Variants in PTPRD observed in about 807,000 individuals in gnomAD.
PTPRD encodes the protein protein tyrosine phosphatase receptor type D.
A neutral mutation model predicts 214.5 loss-of-function variants in PTPRD; 34 were observed. The observed-to-expected ratio is 0.16, with a 90% CI of 0.12 to 0.21. PTPRD has a LOEUF of 0.21. Among genes scored for constraint, PTPRD ranks in the 10% least tolerant of loss-of-function variants. The pLI is 1.00. For missense variants in PTPRD, 2,545 were observed against 2,398.7 expected, an observed-to-expected ratio of 1.06 and a Z score of -1.27; for synonymous variants, 1,128 against 845.7, an observed-to-expected ratio of 1.33 and a Z score of -5.79.
At chr9:9,460,496 C>T (rs547091113) in intron 8 of PTPRD, among the ~76,000 whole-genome samples, 24 of 151,936 alleles carry the variant, frequency 1.6e-4, no homozygotes, top group African/African-American at 5.3e-4. Context: ...TAGAAAAAAA[C>T]AAATCCATTA....
Position 9,830,186 on chromosome 9 carries a change from A to G in PTPRD, c.-367-63335T>C, listed in dbSNP as rs2054340270. Among the ~76,000 whole-genome samples, 3 of 151,914 alleles carry G rather than the reference A, an allele frequency of 2.0e-5. No homozygotes were observed. The East Asian group carries it at 5.8e-4, about 29-fold the overall frequency. ...TGTGGCTTTTGTGAATCCAAAGTAA[A>G]AAAGTAAAATTAATCAAATATTTTT... On this transcript the variant is annotated intron_variant, in intron 5 of 45. Coordinates refer to ENST00000381196, the MANE Select transcript of PTPRD (RefSeq NM_002839.4).
intron 6 of PTPRD, among the ~76,000 whole-genome samples, chr9:9,751,756 G>A (rs1189767023): frequency 2.0e-5 from 3 of 152,040 alleles, no homozygotes; most frequent in African/African-American, 7.2e-5. Flanking sequence ...AGGAGGGGGC[G>A]TGTCTCATCT....
intron 1 of PTPRD, 53 bp downstream of exon 1, chr9:10,612,635 G>A (rs2081321317): frequency 6.6e-6 from 1 of 152,406 alleles, no homozygotes; most frequent in South Asian, 2.1e-4. Context: ...GAAAAAGAAA[G>A]CGCGCTCGGA....
chr9:9,821,441 T>G (rs1247368290), intron 5 of PTPRD, among the ~76,000 whole-genome samples: 2 of 152,222 alleles, frequency 1.3e-5, no homozygotes, highest in Admixed American at 1.3e-4. Context: ...ATACATCCAT[T>G]ATGTTTGGAA....
At chr9:10,321,863 G>A (rs930899909) in intron 3 of PTPRD, among the ~76,000 whole-genome samples, 3 of 151,764 alleles carry the variant, frequency 2.0e-5, no homozygotes, top group Admixed American at 6.6e-5. Flanking sequence ...AGTTTTTTTC[G>A]GAAGAGGAAT....
At chr9:9,943,352 A>G (rs547588681) in intron 4 of PTPRD, among the ~76,000 whole-genome samples, 1 of 152,250 alleles carries the variant, frequency 6.6e-6, no homozygotes, top group East Asian at 1.9e-4. Flanking sequence ...AAGGGCTATC[A>G]TCACTCTCTG....
chr9:10,304,797 T>A (rs193011829), intron 3 of PTPRD, among the ~76,000 whole-genome samples: 1 of 152,256 alleles, frequency 6.6e-6, no homozygotes, highest in Non-Finnish European at 1.5e-5. Flanking sequence ...TTCTTATAGA[T>A]AGGAAGAATC....
At chr9:9,083,679 C>T (rs982517584) in intron 10 of PTPRD, among the ~76,000 whole-genome samples, 1 of 151,990 alleles carries the variant, frequency 6.6e-6, no homozygotes, top group African/African-American at 2.4e-5. Flanking sequence ...TATCCAGAAC[C>T]TATAAGGAAC....
intron 39 of PTPRD, among the ~76,000 whole-genome samples, chr9:8,371,247 G>T (rs1423555615): frequency 6.6e-6 from 1 of 151,944 alleles, no homozygotes; most frequent in Non-Finnish European, 1.5e-5. Context: ...AGTCTCTAAG[G>T]TGAAAACACA....
chr9:9,637,190 G>C (rs760214779), intron 7 of PTPRD, among the ~76,000 whole-genome samples: 3 of 152,040 alleles, frequency 2.0e-5, no homozygotes, highest in African/African-American at 7.2e-5. Context: ...CCAAATTTAT[G>C]TCATTTTCAC....
At chr9:9,245,044 C>A (rs1242692088) in intron 9 of PTPRD, among the ~76,000 whole-genome samples, 1 of 152,170 alleles carries the variant, frequency 6.6e-6, no homozygotes, top group Admixed American at 6.5e-5. Flanking sequence ...AAATGCTCAT[C>A]ATCACTGGCC....
chr9:9,433,051 T>G (rs965964691), intron 8 of PTPRD, among the ~76,000 whole-genome samples: 1 of 152,072 alleles, frequency 6.6e-6, no homozygotes, highest in Non-Finnish European at 1.5e-5. Flanking sequence ...TAAGAGTGTG[T>G]GTGTTAGGAA....
intron 10 of PTPRD, among the ~76,000 whole-genome samples, chr9:9,040,962 C>T (rs1037772760): frequency 3.9e-5 from 6 of 152,088 alleles, no homozygotes; most frequent in Non-Finnish European, 8.8e-5. Flanking sequence ...TGTGCACTGC[C>T]CTGAGCTTGA....
intron 11 of PTPRD, among the ~76,000 whole-genome samples, chr9:8,923,435 G>GC (rs201788325): frequency 0.017 from 2,593 of 151,884 alleles, 29 homozygotes; most frequent in Middle Eastern, 0.044. Context: ...TGTCTCCTAA[G>GC]CCCCAACCAC....
At position 10,402,920 on chromosome 9, in the gene PTPRD, C is replaced by A. The variant is rs181843300; in HGVS notation, c.-599-61903G>T. On this transcript the variant is annotated intron_variant, in intron 2 of 45. Coordinates refer to ENST00000381196, the MANE Select transcript of PTPRD (RefSeq NM_002839.4). ...TTACATTTCTACCTAGCCATTAGAT[C>A]TGTTTGAATTGGTGTGCTTCTTTCG... Among the ~76,000 whole-genome samples the A allele has an allele frequency of 1.9e-3, 288 of 151,516 alleles. 1 individual carries two copies. Among genetic ancestry groups the A allele is most frequent in the Non-Finnish European group, 3.3e-3 (224 of 67,736 alleles).
intron 10 of PTPRD, among the ~76,000 whole-genome samples, chr9:9,172,205 G>C (rs750539075): frequency 2.6e-4 from 40 of 152,194 alleles, no homozygotes; most frequent in Non-Finnish European, 5.1e-4. Context: ...TCAGCACAGA[G>C]ACCCTAACAC....
chr9:8,988,174 A>G (rs555149082), intron 11 of PTPRD, among the ~76,000 whole-genome samples: 44 of 152,156 alleles, frequency 2.9e-4, no homozygotes, highest in African/African-American at 1.1e-3. Flanking sequence ...AAAATCAAAG[A>G]TAGTACCCAC....
intron 2 of PTPRD, among the ~76,000 whole-genome samples, chr9:10,515,149 G>A (rs2049614615): frequency 6.6e-6 from 1 of 152,022 alleles, no homozygotes; most frequent in Admixed American, 6.6e-5. Context: ...ACAAAAGCCA[G>A]TTTCCCATAC....
chr9:8,450,263 A>C (rs2133515312), intron 33 of PTPRD, among the ~76,000 whole-genome samples: 1 of 152,306 alleles, frequency 6.6e-6, no homozygotes, highest in Non-Finnish European at 1.5e-5. Flanking sequence ...TGAACAGCTA[A>C]ATCTGTCCCC....
Sources: allele counts gnomAD v4.1 joint callset (sites outside exome capture counted in the v4.1 genomes callset), GRCh38; gene constraint gnomAD v4.1.1; transcripts MANE v1.5; gene names NCBI Gene and HGNC (gene_info 2026-07-23, HGNC 2026-07-21).